RBFOX1: variants seen among roughly 807,000 people sequenced by gnomAD.
RBFOX1 encodes RNA binding fox-1 homolog 1.
A neutral mutation model predicts 57.7 loss-of-function variants in RBFOX1; 8 were observed. That is an observed-to-expected ratio of 0.14 (90% CI 0.08 to 0.25). The LOEUF (loss-of-function observed/expected upper bound fraction) is 0.25, where lower values mean the gene tolerates loss of function less well. Among genes scored for constraint, RBFOX1 ranks in the 10% least tolerant of loss-of-function variants. The pLI is 1.00. For missense variants in RBFOX1, 611 were observed against 548.5 expected (o/e 1.11, Z -1.14); for synonymous variants, 326 against 222.4 (o/e 1.47, Z -4.15).
chr16:6,960,288 T>C lies in RBFOX1; in HGVS notation c.-15-91769T>C, dbSNP rs190888105. On this transcript the variant is annotated intron_variant, in intron 3 of 15. Transcript: ENST00000550418. ...GAAGGTCTTCAGGCCTCAGATCTTA[T>C]AGATGAGAAGTTAATCACTTACGTC... Among the ~76,000 whole-genome samples, 25 of 152,212 alleles carry C rather than the reference T, an allele frequency of 1.6e-4. No individual in the cohort carries two copies. In the East Asian group the frequency reaches 1.7e-3, roughly 11 times the overall value.
At chr16:6,480,569 A>G (rs988839959) in intron 2 of RBFOX1, among the ~76,000 whole-genome samples, 7 of 152,356 alleles carry the variant, frequency 4.6e-5, no homozygotes, top group Non-Finnish European at 1.0e-4. Context: ...GTACAGAAAC[A>G]GAGAATGGCT....
intron 4 of RBFOX1, among the ~76,000 whole-genome samples, chr16:5,920,156 G>T (rs916769490): frequency 6.6e-6 from 1 of 152,028 alleles, no homozygotes; most frequent in Admixed American, 6.5e-5. Flanking sequence ...GGATGGTCTC[G>T]ATCTCCTGAC....
chr16:6,091,936 T>A (rs2096180998), intron 1 of RBFOX1, among the ~76,000 whole-genome samples: 1 of 152,188 alleles, frequency 6.6e-6, no homozygotes, highest in South Asian at 2.1e-4. Flanking sequence ...TCCATCTACC[T>A]CCCCATCTAT....
intron 3 of RBFOX1, among the ~76,000 whole-genome samples, chr16:6,866,304 G>C (rs554346844): frequency 9.0e-4 from 137 of 151,872 alleles, no homozygotes; most frequent in African/African-American, 3.1e-3. Flanking sequence ...TGGGCTTTAA[G>C]TTTCAAGCTA....
chr16:5,393,129 A>G (rs187347461), intron 1 of RBFOX1, among the ~76,000 whole-genome samples: 1 of 152,174 alleles, frequency 6.6e-6, no homozygotes, highest in Non-Finnish European at 1.5e-5. Flanking sequence ...ACCTAGAGTG[A>G]TGGAAATGGA....
At position 6,674,873 on chromosome 16, in the gene RBFOX1, C is replaced by G. The variant is rs375408612; in HGVS notation, c.-16+20223C>G. 2.6e-5 allele frequency among the ~76,000 whole-genome samples: 4 copies of G among 151,972 alleles called. No individual in the cohort carries two copies. In the East Asian group the frequency reaches 7.7e-4, roughly 29 times the overall value. On this transcript the variant is annotated intron_variant, in intron 3 of 15. Coordinates refer to ENST00000550418, the MANE Select transcript of RBFOX1 (RefSeq NM_018723.4). ...TCCAGAACTGGGAGAGAATAAATTACTGTTGTGTTTTTTGTTTGTTTGGTG... is the reference window on the plus strand; with the variant it reads ...TCCAGAACTGGGAGAGAATAAATTAGTGTTGTGTTTTTTGTTTGTTTGGTG...
intron 4 of RBFOX1, among the ~76,000 whole-genome samples, chr16:7,311,622 C>T (rs4473206): frequency 0.78 from 119,274 of 151,960 alleles, 46,900 homozygotes; most frequent in East Asian, 0.94. Flanking sequence ...AAGCCAGGCA[C>T]GGGGCAAGCC....
intron 5 of RBFOX1, among the ~76,000 whole-genome samples, chr16:7,530,641 C>T (rs370756972): frequency 6.6e-6 from 1 of 152,120 alleles, no homozygotes; most frequent in Admixed American, 6.6e-5. Context: ...TGGGTCAGGA[C>T]ACTAACCAGG....
At chr16:6,135,177 C>G (rs1247983292) in intron 1 of RBFOX1, among the ~76,000 whole-genome samples, 1 of 152,156 alleles carries the variant, frequency 6.6e-6, no homozygotes, top group African/African-American at 2.4e-5. Context: ...TCAGTTCTGA[C>G]TGGCTAAGCA....
intron 3 of RBFOX1, among the ~76,000 whole-genome samples, chr16:6,845,610 C>G (rs1445907388): frequency 1.3e-5 from 2 of 152,050 alleles, no homozygotes; most frequent in African/African-American, 2.4e-5. Flanking sequence ...TTAAATCATA[C>G]ATTTTATCAG....
intron 1 of RBFOX1, among the ~76,000 whole-genome samples, chr16:6,248,070 C>G (rs1274050486): frequency 6.6e-6 from 1 of 152,216 alleles, no homozygotes. Context: ...TTATTAAAAG[C>G]AGCCTCTCTT....
At chr16:7,524,141 A>G (rs373652311) in intron 5 of RBFOX1, among the ~76,000 whole-genome samples, 12 of 152,226 alleles carry the variant, frequency 7.9e-5, no homozygotes, top group African/African-American at 2.9e-4. Flanking sequence ...CGTAGAGGCC[A>G]TTATTTCTTT....
intron 4 of RBFOX1, among the ~76,000 whole-genome samples, chr16:5,933,671 G>A (rs984407978): frequency 7.9e-5 from 12 of 152,016 alleles, no homozygotes; most frequent in African/African-American, 2.9e-4. Flanking sequence ...TCTCTTTCTG[G>A]GCCTTTCTTT....
intron 4 of RBFOX1, among the ~76,000 whole-genome samples, chr16:7,145,145 C>T (rs747754159): frequency 3.9e-4 from 59 of 152,184 alleles, no homozygotes; most frequent in African/African-American, 1.4e-3. Context: ...TTGCTGCAAG[C>T]AGGGGGTACC....
intron 4 of RBFOX1, among the ~76,000 whole-genome samples, chr16:5,916,960 C>T (rs2058716936): frequency 6.6e-6 from 1 of 152,096 alleles, no homozygotes; most frequent in African/African-American, 2.4e-5. Flanking sequence ...TCTCCCCTGC[C>T]TTTGATGCGG....
intron 2 of RBFOX1, among the ~76,000 whole-genome samples, chr16:6,509,304 A>G (rs899952089): frequency 1.3e-5 from 2 of 152,176 alleles, no homozygotes; most frequent in Non-Finnish European, 2.9e-5. Flanking sequence ...TGTCAGATAA[A>G]TTGGTAACGA....
intron 3 of RBFOX1, among the ~76,000 whole-genome samples, chr16:6,805,671 T>C (rs1048850408): frequency 1.3e-5 from 2 of 152,176 alleles, no homozygotes; most frequent in South Asian, 2.1e-4. Context: ...TAATGAATGC[T>C]GAAAACATGT....
At chr16:6,533,249 C>A (rs958505375) in intron 2 of RBFOX1, among the ~76,000 whole-genome samples, 9 of 152,204 alleles carry the variant, frequency 5.9e-5, no homozygotes, top group South Asian at 4.1e-4. Context: ...CAACAGAGAA[C>A]TTTTCTAAGT....
intron 3 of RBFOX1, among the ~76,000 whole-genome samples, chr16:6,832,559 CAG>C (rs1373060008): frequency 6.6e-6 from 1 of 152,168 alleles, no homozygotes; most frequent in Non-Finnish European, 1.5e-5. Flanking sequence ...CTTGGGGTCT[CAG>C]GGGCTGGGTG....
Sources: gnomAD v4.1 joint callset for allele counts (sites outside exome capture counted in the v4.1 genomes callset) on GRCh38, gnomAD v4.1.1 for gene constraint, MANE v1.5 for transcripts, NCBI Gene and HGNC (gene_info 2026-07-23, HGNC 2026-07-21) for gene names.